Variants in MID1 observed in about 807,000 individuals in gnomAD.
The protein encoded by MID1 is midline 1, also known as E3 ubiquitin-protein ligase Midline-1.
Under a neutral mutation model 40.4 loss-of-function variants are expected in MID1, and 7 were observed. The ratio of observed to expected loss-of-function variants is 0.17; its 90% CI spans 0.10 to 0.33. The LOEUF is 0.33. Ranked by LOEUF, MID1 falls within the 10% of genes least tolerant of loss-of-function variation. The probability of loss-of-function intolerance (pLI) is 1.00; values close to 1 mark genes in which losing one functional copy is unlikely to be tolerated. For synonymous variants in MID1, 229 were observed against 221.2 expected, an observed-to-expected ratio of 1.04 and a Z score of -0.31; for missense variants, 367 against 558.5, an observed-to-expected ratio of 0.66 and a Z score of 3.46.
intron 1 of MID1, among the ~76,000 whole-genome samples, chrX:10,721,346 T>C (rs1021728984): frequency 1.5e-4 from 17 of 110,989 alleles, no homozygotes; most frequent in South Asian, 3.9e-4. Context: ...CTTTCTCTAG[T>C]GTGAATTAAA....
At chrX:10,487,175 T>C (rs768858699) in intron 4 of MID1, among the ~76,000 whole-genome samples, 3 of 111,701 alleles carry the variant, frequency 2.7e-5, no homozygotes, top group South Asian at 7.5e-4. Context: ...ATATTATTGA[T>C]AGCATTAAAG....
At chrX:10,823,253 A>C (rs182978589) in intron 1 of MID1, among the ~76,000 whole-genome samples, 25 of 111,678 alleles carry the variant, frequency 2.2e-4, no homozygotes, top group African/African-American at 7.8e-4. Context: ...GTTCTCGCTT[A>C]TACATGCTAA....
intron 1 of MID1, among the ~76,000 whole-genome samples, chrX:10,614,564 A>G (rs1428874714): frequency 8.9e-6 from 1 of 111,808 alleles, no homozygotes; most frequent in Non-Finnish European, 1.9e-5. Context: ...GCTCACCCAT[A>G]TTACTTCTTT....
At chrX:10,721,719 T>TA (rs55797465) in intron 1 of MID1, among the ~76,000 whole-genome samples, 214 of 92,225 alleles carry the variant, frequency 2.3e-3, no homozygotes, top group Middle Eastern at 5.4e-3. Flanking sequence ...GATTTAAATC[T>TA]AAAAAAAAAA....
intron 9 of MID1, among the ~76,000 whole-genome samples, chrX:10,451,081 C>T (rs1928306086): frequency 1.8e-5 from 2 of 111,682 alleles, no homozygotes; most frequent in Non-Finnish European, 3.8e-5. Context: ...AAAATTAACA[C>T]AACATGCCAT....
At chrX:10,533,197 C>T (rs978770226) in intron 2 of MID1, among the ~76,000 whole-genome samples, 2 of 109,640 alleles carry the variant, frequency 1.8e-5, no homozygotes, top group African/African-American at 6.6e-5. Flanking sequence ...TTTCACAGTA[C>T]AATGAGAAAG....
intron 1 of MID1, among the ~76,000 whole-genome samples, chrX:10,574,595 T>C (rs551323048): frequency 8.9e-6 from 1 of 112,452 alleles, no homozygotes; most frequent in East Asian, 2.8e-4. Flanking sequence ...ACCTTTTTAA[T>C]GATAAGGTAA....
chrX:10,748,645 T>C (rs1008263725), intron 1 of MID1, among the ~76,000 whole-genome samples: 1 of 111,732 alleles, frequency 8.9e-6, no homozygotes, highest in African/African-American at 3.3e-5. Flanking sequence ...CAAAATAGGG[T>C]TCAGGGAGAT....
At chrX:10,706,258 T>C (rs1394496861) in intron 1 of MID1, among the ~76,000 whole-genome samples, 2 of 111,318 alleles carry the variant, frequency 1.8e-5, no homozygotes, top group Non-Finnish European at 3.8e-5. Flanking sequence ...GCCTAAAAAA[T>C]TAGGGAACCT....
chrX:10,812,378 A>T (rs1602592869), intron 1 of MID1, among the ~76,000 whole-genome samples: 1 of 111,719 alleles, frequency 9.0e-6, no homozygotes, highest in East Asian at 2.8e-4. Flanking sequence ...AAGAGAAATG[A>T]CAAAGAAACT....
chrX:10,455,808 G>A (rs986401135), intron 8 of MID1, among the ~76,000 whole-genome samples: 5 of 112,080 alleles, frequency 4.5e-5, no homozygotes, highest in Non-Finnish European at 9.4e-5. Context: ...TTCTACTCAT[G>A]AAATTATTTA....
chrX:10,646,465 A>G (rs1251035044), intron 1 of MID1, among the ~76,000 whole-genome samples: 1 of 111,655 alleles, frequency 9.0e-6, no homozygotes, highest in Non-Finnish European at 1.9e-5. Context: ...ATTTAAACAG[A>G]AATAGGCTAA....
intron 1 of MID1, among the ~76,000 whole-genome samples, chrX:10,636,784 G>GT (rs1198448070): frequency 1.6e-4 from 2 of 12,157 alleles, no homozygotes; most frequent in African/African-American, 8.5e-4. Context: ...CCAACAATGG[G>GT]GATATATATA....
chrX:10,459,122 C>T (rs1928867591), intron 8 of MID1, among the ~76,000 whole-genome samples: 1 of 110,829 alleles, frequency 9.0e-6, no homozygotes, highest in Non-Finnish European at 1.9e-5. Flanking sequence ...CGGTAGCATC[C>T]ACCTCAGATG....
chrX:10,693,010 C>T (rs1452743239), intron 1 of MID1, among the ~76,000 whole-genome samples: 2 of 111,260 alleles, frequency 1.8e-5, no homozygotes, highest in Non-Finnish European at 3.8e-5. Context: ...CTTCCTCTAG[C>T]CTGACTTCCT....
chrX:10,456,202 T>C (rs1290195960), intron 8 of MID1, among the ~76,000 whole-genome samples: 5 of 112,438 alleles, frequency 4.4e-5, no homozygotes, highest in Non-Finnish European at 9.4e-5. Flanking sequence ...TTGTCACATG[T>C]GGGTAGGCCA....
At chrX:10,720,771 C>T (rs1315141134) in intron 1 of MID1, among the ~76,000 whole-genome samples, 1 of 110,398 alleles carries the variant, frequency 9.1e-6, no homozygotes. Flanking sequence ...CGGCACTATT[C>T]ACAATAGCAA....
chrX:10,649,755 T>C (rs892554625), intron 1 of MID1, among the ~76,000 whole-genome samples: 12 of 111,875 alleles, frequency 1.1e-4, no homozygotes, highest in Non-Finnish European at 2.3e-4. Flanking sequence ...TCTTCAAACT[T>C]TAGTTTGTTG....
At chrX:10,682,753 A>T (rs990616559) in intron 1 of MID1, among the ~76,000 whole-genome samples, 6 of 111,914 alleles carry the variant, frequency 5.4e-5, no homozygotes, top group East Asian at 2.8e-4. Context: ...TTAATATTTT[A>T]AAAAATATAT....
Sources: gnomAD v4.1 joint callset for allele counts (sites outside exome capture counted in the v4.1 genomes callset) on GRCh38, gnomAD v4.1.1 for gene constraint, MANE v1.5 for transcripts, NCBI Gene and HGNC (gene_info 2026-07-23, HGNC 2026-07-21) for gene names.